FSTL4: variants seen among roughly 807,000 people sequenced by gnomAD.
FSTL4 encodes follistatin-related protein 4.
A neutral mutation model predicts 78.2 loss-of-function variants in FSTL4; 28 were observed. The ratio of observed to expected loss-of-function variants is 0.36; its 90% confidence interval spans 0.27 to 0.49. The LOEUF (loss-of-function observed/expected upper bound fraction) is 0.49, where lower values mean the gene tolerates loss of function less well. Among genes scored for constraint, FSTL4 ranks in the 20% least tolerant of loss-of-function variants. The pLI is 0.98. For synonymous variants in FSTL4, 422 were observed against 440.5 expected (o/e 0.96, Z 0.53); for missense variants, 922 against 1,084.9 (o/e 0.85, Z 2.11).
chr5:133,405,251 A>T (rs993544054), intron 3 of FSTL4, among the ~76,000 whole-genome samples: 1 of 152,202 alleles, frequency 6.6e-6, no homozygotes, highest in Non-Finnish European at 1.5e-5. Context: ...GGCTCTGAGG[A>T]GGCAGTCACT....
intron 3 of FSTL4, among the ~76,000 whole-genome samples, chr5:133,456,510 C>T (rs1757494412): frequency 6.6e-6 from 1 of 152,220 alleles, no homozygotes; most frequent in African/African-American, 2.4e-5. Context: ...AGCTGATTCT[C>T]TGCCTGCTGC....
chr5:133,667,286 C>T, the FSTL4 span, among the ~76,000 whole-genome samples: 1 of 152,174 alleles, frequency 6.6e-6, no homozygotes, highest in Non-Finnish European at 1.5e-5. Flanking sequence ...TCACTTCCAC[C>T]ATTATTACCC....
At chr5:133,305,486 C>T (rs1037803662) in intron 6 of FSTL4, among the ~76,000 whole-genome samples, 3 of 152,154 alleles carry the variant, frequency 2.0e-5, no homozygotes, top group Admixed American at 1.3e-4. Flanking sequence ...ATCTCTAGCT[C>T]GGCGTTCAGG....
At chr5:133,270,923 A>C (rs563706930) in intron 6 of FSTL4, among the ~76,000 whole-genome samples, 15 of 152,340 alleles carry the variant, frequency 9.8e-5, no homozygotes, top group African/African-American at 3.6e-4. Context: ...CTCAGTCTTC[A>C]GGACTGGAAG....
chr5:133,558,973 C>G (rs1759858034), intron 3 of FSTL4, among the ~76,000 whole-genome samples: 1 of 152,092 alleles, frequency 6.6e-6, no homozygotes, highest in African/African-American at 2.4e-5. Flanking sequence ...TCTGCTCCAG[C>G]TGAAGCAGAG....
chr5:133,615,913 G>A (rs934992515), upstream of FSTL4, among the ~76,000 whole-genome samples: 1 of 152,148 alleles, frequency 6.6e-6, no homozygotes. Flanking sequence ...AAGATGCAGT[G>A]ATGGAAAGGG....
chr5:133,493,885 A>G (rs10066646), intron 3 of FSTL4, among the ~76,000 whole-genome samples: 1,895 of 152,316 alleles, frequency 0.012, 39 homozygotes, highest in African/African-American at 0.044. Context: ...TCTGCCGGAT[A>G]TTGAACCTTC....
intron 6 of FSTL4, among the ~76,000 whole-genome samples, chr5:133,265,307 G>A (rs866058930): frequency 7.9e-5 from 12 of 152,152 alleles, no homozygotes; most frequent in South Asian, 2.1e-4. Context: ...GCCTTCCCCC[G>A]TCGCTGGCCA....
chr5:133,720,687 A>G, the FSTL4 span: 2 of 153,090 alleles, frequency 1.3e-5, no homozygotes, highest in Non-Finnish European at 2.9e-5. Context: ...TATTTCTTAG[A>G]TCATCTTCAT....
intron 4 of FSTL4, among the ~76,000 whole-genome samples, chr5:133,374,039 G>A (rs953676185): frequency 6.6e-6 from 1 of 152,162 alleles, no homozygotes; most frequent in Non-Finnish European, 1.5e-5. Context: ...AGTCCCTTGG[G>A]CAGGGAAACC....
chr5:133,293,214 T>G (rs1436682299), intron 6 of FSTL4, among the ~76,000 whole-genome samples: 1 of 152,194 alleles, frequency 6.6e-6, no homozygotes, highest in Non-Finnish European at 1.5e-5. Context: ...CAGCTCCTTC[T>G]CTCCCAACCG....
chr5:133,574,840 A>T (rs951550398), intron 2 of FSTL4: 1 of 152,240 alleles, frequency 6.6e-6, no homozygotes, highest in Non-Finnish European at 1.5e-5. Context: ...ACAGTTTATA[A>T]GATTTTATTT....
chr5:133,420,224 A>G (rs1275052058), intron 3 of FSTL4, among the ~76,000 whole-genome samples: 1 of 152,228 alleles, frequency 6.6e-6, no homozygotes, highest in Admixed American at 6.5e-5. Flanking sequence ...GATGCTAGAA[A>G]TCAGAACAGT....
intron 6 of FSTL4, among the ~76,000 whole-genome samples, chr5:133,306,518 C>CA (rs200136290): frequency 0.011 from 1,601 of 152,330 alleles, 36 homozygotes; most frequent in African/African-American, 0.037. Flanking sequence ...CCCAGTTGCT[C>CA]ATCCAGTGAT....
chr5:133,649,383 G>T, the FSTL4 span, among the ~76,000 whole-genome samples: 2 of 152,204 alleles, frequency 1.3e-5, no homozygotes, highest in African/African-American at 4.8e-5. Context: ...ACCAAGGAGT[G>T]TGATCACTGA....
chr5:133,698,478 A>G, the FSTL4 span, among the ~76,000 whole-genome samples: 1 of 152,260 alleles, frequency 6.6e-6, no homozygotes. Flanking sequence ...TGTCTCTGTC[A>G]GCCTCCATTT....
chr5:133,751,624 G>A, the FSTL4 span, among the ~76,000 whole-genome samples: 1 of 152,202 alleles, frequency 6.6e-6, no homozygotes, highest in Non-Finnish European at 1.5e-5. Context: ...TGGGGCGTCT[G>A]CAGCAAGAGG....
chr5:133,412,974 G>A (rs936137742), intron 3 of FSTL4, among the ~76,000 whole-genome samples: 1 of 151,928 alleles, frequency 6.6e-6, no homozygotes, highest in Non-Finnish European at 1.5e-5. Flanking sequence ...TTGTTTATTT[G>A]CCTTTTTCTG....
intron 3 of FSTL4, among the ~76,000 whole-genome samples, chr5:133,471,242 A>T (rs1432192987): frequency 6.6e-6 from 1 of 152,172 alleles, no homozygotes; most frequent in Non-Finnish European, 1.5e-5. Flanking sequence ...ACGCACCTCA[A>T]TTGCCTCACT....
Sources: gnomAD v4.1 joint callset for allele counts (sites outside exome capture counted in the v4.1 genomes callset) on GRCh38, gnomAD v4.1.1 for gene constraint, MANE v1.5 for transcripts, NCBI Gene and HGNC (gene_info 2026-07-23, HGNC 2026-07-21) for gene names.